Variants in LAMA2 observed in about 807,000 individuals in gnomAD.
LAMA2 encodes the protein laminin subunit alpha-2.
Under a neutral mutation model 364.8 loss-of-function variants are expected in LAMA2, and 269 were observed. The ratio of observed to expected loss-of-function variants is 0.74; its 90% confidence interval spans 0.67 to 0.82. The LOEUF (loss-of-function observed/expected upper bound fraction) is 0.82, where lower values mean the gene tolerates loss of function less well. Among genes scored for constraint, LAMA2 ranks in the 40% least tolerant of loss-of-function variants. LAMA2 has a pLI of 0.00. For synonymous variants in LAMA2, 1,379 were observed against 1,370.6 expected (o/e 1.01, Z -0.14); for missense variants, 3,807 against 3,873.2 (o/e 0.98, Z 0.45).
At chr6:129,406,073 A>C (rs552523805) in intron 40 of LAMA2, among the ~76,000 whole-genome samples, 1 of 152,184 alleles carries the variant, frequency 6.6e-6, no homozygotes, top group Non-Finnish European at 1.5e-5. Context: ...AGACAATTTG[A>C]GAAGAAAAAA....
chr6:129,423,745 T>G (rs1781193320), intron 40 of LAMA2, among the ~76,000 whole-genome samples: 1 of 152,020 alleles, frequency 6.6e-6, no homozygotes, highest in Admixed American at 6.6e-5. Flanking sequence ...CTGAATACTC[T>G]GGAGATAAAT....
At chr6:129,377,340 A>C (rs943182097) in intron 34 of LAMA2, among the ~76,000 whole-genome samples, 1 of 152,048 alleles carries the variant, frequency 6.6e-6, no homozygotes, top group Non-Finnish European at 1.5e-5. Context: ...AGTTTTTAAA[A>C]GATTTCAACT....
chr6:129,446,283 T>C (rs928782675), intron 45 of LAMA2, among the ~76,000 whole-genome samples: 1 of 151,776 alleles, frequency 6.6e-6, no homozygotes, highest in African/African-American at 2.4e-5. Context: ...TTGTCTGGTA[T>C]AAACAACAAT....
intron 18 of LAMA2, among the ~76,000 whole-genome samples, chr6:129,280,759 C>T (rs1042265713): frequency 3.3e-5 from 5 of 152,174 alleles, no homozygotes; most frequent in Middle Eastern, 3.4e-3. Flanking sequence ...AGAAATAATT[C>T]TTCTATATAT....
chr6:129,024,862 C>T (rs111464404), intron 1 of LAMA2, among the ~76,000 whole-genome samples: 1 of 151,988 alleles, frequency 6.6e-6, no homozygotes, highest in Admixed American at 6.6e-5. Flanking sequence ...GACAGGAGGA[C>T]CCTTTGAGCT....
intron 1 of LAMA2, among the ~76,000 whole-genome samples, chr6:128,959,972 G>C (rs1410414223): frequency 6.6e-6 from 1 of 151,930 alleles, no homozygotes; most frequent in Non-Finnish European, 1.5e-5. Context: ...ACCTAGAAAA[G>C]TGCCTGGCGC....
chr6:128,888,348 A>T (rs1776266218), intron 1 of LAMA2, among the ~76,000 whole-genome samples: 2 of 152,238 alleles, frequency 1.3e-5, no homozygotes, highest in African/African-American at 2.4e-5. Context: ...AGATAAAAAA[A>T]TTCCTGCTCT....
intron 3 of LAMA2, among the ~76,000 whole-genome samples, chr6:129,075,695 G>A (rs548381450): frequency 2.0e-5 from 3 of 152,206 alleles, no homozygotes; most frequent in African/African-American, 7.2e-5. Flanking sequence ...CTAGGAGTTT[G>A]GCCTGAAGAA....
intron 9 of LAMA2, among the ~76,000 whole-genome samples, chr6:129,174,274 T>C (rs1380523316): frequency 6.6e-6 from 1 of 152,148 alleles, no homozygotes; most frequent in African/African-American, 2.4e-5. Flanking sequence ...TTGTTATATT[T>C]CATAAGGAAA....
rs7762517 is a variant in LAMA2 at position 129,426,843 on chromosome 6, G to A, written c.5866-909G>A. Among the ~76,000 whole-genome samples the A allele has an allele frequency of 7.9e-3, 1,205 of 152,288 alleles. 13 individuals carry two copies. Among genetic ancestry groups the A allele is most frequent in the African/African-American group, 0.028 (1,159 of 41,566 alleles). On this transcript the variant is annotated intron_variant, in intron 40 of 64. Coordinates refer to ENST00000421865, the MANE Select transcript of LAMA2 (RefSeq NM_000426.4). ...TGATAAAAATAATGTAACTAAGGCAGTCCAGATGCCTTTAACGAGTGTTAT... is the reference window on the plus strand; with the variant it reads ...TGATAAAAATAATGTAACTAAGGCAATCCAGATGCCTTTAACGAGTGTTAT...
intron 9 of LAMA2, 40 bp downstream of exon 9, chr6:129,165,715 A>G (rs1165023361): frequency 8.0e-7 from 1 of 1,251,270 alleles, no homozygotes; most frequent in Non-Finnish European, 1.2e-6. Context: ...TGATAAAAGG[A>G]CAACTAAAAG....
At chr6:129,316,733 G>A (rs534115915) in intron 27 of LAMA2, among the ~76,000 whole-genome samples, 1 of 152,314 alleles carries the variant, frequency 6.6e-6, no homozygotes, top group East Asian at 1.9e-4. Flanking sequence ...TACTTCAAGG[G>A]AGTATTCCGT....
chr6:129,106,423 A>T (rs1775828283), intron 4 of LAMA2, among the ~76,000 whole-genome samples: 1 of 152,218 alleles, frequency 6.6e-6, no homozygotes, highest in African/African-American at 2.4e-5. Context: ...GGGAATGGAA[A>T]TGAAGACCTA....
intron 3 of LAMA2, among the ~76,000 whole-genome samples, chr6:129,087,757 G>A (rs4569989): frequency 0.21 from 31,972 of 151,566 alleles, 4,827 homozygotes; most frequent in African/African-American, 0.43. Flanking sequence ...AAGGGATCAA[G>A]TAGAAAAGGA....
chr6:129,055,146 A>T (rs77776877), intron 2 of LAMA2, among the ~76,000 whole-genome samples: 2,021 of 145,442 alleles, frequency 0.014, 35 homozygotes, highest in African/African-American at 0.04. Context: ...TAAACCAGTC[A>T]CAGTCTGGAT....
intron 52 of LAMA2, 87 bp from the exon 53 acceptor site, chr6:129,475,303 A>T: frequency 1.2e-6 from 1 of 813,046 alleles, no homozygotes; most frequent in Non-Finnish European, 1.9e-6. Context: ...ATTTATGATT[A>T]AAGTTTATTG....
At chr6:129,040,351 T>C (rs1002903827) in intron 1 of LAMA2, among the ~76,000 whole-genome samples, 3 of 152,196 alleles carry the variant, frequency 2.0e-5, no homozygotes, top group Non-Finnish European at 2.9e-5. Context: ...GTGAACATGA[T>C]GGCTCATGCC....
chr6:129,130,610 A>G (rs1308466371), intron 4 of LAMA2, among the ~76,000 whole-genome samples: 1 of 152,190 alleles, frequency 6.6e-6, no homozygotes, highest in African/African-American at 2.4e-5. Context: ...GATAGGAGAG[A>G]AAGGGTAATT....
chr6:129,284,245 G>A (rs1052925517), intron 18 of LAMA2, among the ~76,000 whole-genome samples: 11 of 1,476 alleles, frequency 7.5e-3, no homozygotes, highest in African/African-American at 7.8e-3. Context: ...TGCCAATACT[G>A]TTCCCTCTGC....
Sources: allele counts gnomAD v4.1 joint callset (sites outside exome capture counted in the v4.1 genomes callset), GRCh38; gene constraint gnomAD v4.1.1; transcripts MANE v1.5; gene names NCBI Gene and HGNC (gene_info 2026-07-23, HGNC 2026-07-21).